The following CNTNAP2 variants were observed in gnomAD, a reference collection of about 807,000 sequenced individuals.
The protein encoded by CNTNAP2 is contactin-associated protein-like 2.
A neutral mutation model predicts 155.2 loss-of-function variants in CNTNAP2; 98 were observed. The ratio of observed to expected loss-of-function variants is 0.63; its 90% CI spans 0.54 to 0.75. The LOEUF is 0.75. Among genes scored for constraint, CNTNAP2 ranks in the 30% least tolerant of loss-of-function variants. The pLI is 0.00. For synonymous variants in CNTNAP2, 651 were observed against 631.2 expected (o/e 1.03, Z -0.47); for missense variants, 1,727 against 1,688.1 (o/e 1.02, Z -0.40).
intron 1 of CNTNAP2, among the ~76,000 whole-genome samples, chr7:146,310,413 A>G (rs1206426213): frequency 6.6e-6 from 1 of 152,170 alleles, no homozygotes; most frequent in Non-Finnish European, 1.5e-5. Context: ...TTTAAAAGCC[A>G]AGGAGTAGAT....
chr7:148,253,028 A>AGAT (rs1796392753), intron 20 of CNTNAP2, among the ~76,000 whole-genome samples: 1 of 126,254 alleles, frequency 7.9e-6, no homozygotes, highest in Non-Finnish European at 1.7e-5. Context: ...ATAGATAGAT[A>AGAT]GATAGATAGA....
chr7:146,480,923 G>A (rs919095848), intron 1 of CNTNAP2, among the ~76,000 whole-genome samples: 3 of 150,944 alleles, frequency 2.0e-5, no homozygotes, highest in Admixed American at 1.3e-4. Flanking sequence ...CTCGTGATCC[G>A]CCCGCCTCGG....
At chr7:146,245,594 G>C (rs1177562368) in intron 1 of CNTNAP2, among the ~76,000 whole-genome samples, 1 of 152,046 alleles carries the variant, frequency 6.6e-6, no homozygotes, top group Admixed American at 6.5e-5. Context: ...AGGAAGGAAA[G>C]GAGTTGTTGT....
chr7:147,194,975 T>G (rs1343570141), intron 8 of CNTNAP2, among the ~76,000 whole-genome samples: 2 of 152,218 alleles, frequency 1.3e-5, no homozygotes, highest in Non-Finnish European at 2.9e-5. Context: ...TTTTGGCATT[T>G]TTGTCATGAA....
chr7:147,327,822 T>A (rs900910710), intron 9 of CNTNAP2, among the ~76,000 whole-genome samples: 1 of 152,188 alleles, frequency 6.6e-6, no homozygotes, highest in Non-Finnish European at 1.5e-5. Context: ...TCTCATATCA[T>A]GTGGTCTTTT....
intron 1 of CNTNAP2, among the ~76,000 whole-genome samples, chr7:146,398,871 A>G (rs1795672884): frequency 6.6e-6 from 1 of 151,882 alleles, no homozygotes; most frequent in Non-Finnish European, 1.5e-5. Flanking sequence ...TAGAAAACCT[A>G]TTTCTTTTTT....
intron 21 of CNTNAP2, among the ~76,000 whole-genome samples, chr7:148,331,301 A>C (rs1156479271): frequency 6.7e-6 from 1 of 149,016 alleles, no homozygotes; most frequent in Non-Finnish European, 1.5e-5. Context: ...GATGGAGTGG[A>C]TGGATGGAGT....
At chr7:146,234,617 T>A (rs904634918) in intron 1 of CNTNAP2, among the ~76,000 whole-genome samples, 4 of 151,706 alleles carry the variant, frequency 2.6e-5, no homozygotes, top group Non-Finnish European at 1.5e-5. Flanking sequence ...AAGTCTTTAA[T>A]CCATCTTGAA....
intron 1 of CNTNAP2, among the ~76,000 whole-genome samples, chr7:146,365,536 C>A (rs1044782259): frequency 6.6e-6 from 1 of 152,128 alleles, no homozygotes; most frequent in African/African-American, 2.4e-5. Flanking sequence ...CAAAATGAAT[C>A]TTACCTTATC....
chr7:146,509,636 G>A (rs1797437469), intron 1 of CNTNAP2, among the ~76,000 whole-genome samples: 2 of 152,082 alleles, frequency 1.3e-5, no homozygotes, highest in South Asian at 4.2e-4. Context: ...ATCGGGCAGG[G>A]GTCTCTGACT....
chr7:147,389,463 C>A (rs1044716078), intron 9 of CNTNAP2, among the ~76,000 whole-genome samples: 3 of 152,164 alleles, frequency 2.0e-5, no homozygotes, highest in African/African-American at 7.2e-5. Context: ...ATTTAGGTTG[C>A]CATTTTAATG....
At chr7:147,569,628 G>A (rs1485196953) in intron 12 of CNTNAP2, among the ~76,000 whole-genome samples, 2 of 152,182 alleles carry the variant, frequency 1.3e-5, no homozygotes, top group African/African-American at 2.4e-5. Context: ...CAGCCCAGGT[G>A]TGTAATGGGT....
At chr7:146,821,343 CT>C in intron 2 of CNTNAP2, among the ~76,000 whole-genome samples, 1 of 152,028 alleles carries the variant, frequency 6.6e-6, no homozygotes, top group East Asian at 1.9e-4. Context: ...TTCAGGAGCT[CT>C]TTTAGGGCAG....
chr7:146,733,754 C>T (rs904327986), intron 1 of CNTNAP2, among the ~76,000 whole-genome samples: 2 of 151,970 alleles, frequency 1.3e-5, no homozygotes, highest in African/African-American at 4.8e-5. Context: ...CCAGACAAGA[C>T]TTGAGGAGAG....
At chr7:146,490,854 T>C (rs113316037) in intron 1 of CNTNAP2, among the ~76,000 whole-genome samples, 1 of 152,202 alleles carries the variant, frequency 6.6e-6, no homozygotes, top group Non-Finnish European at 1.5e-5. Flanking sequence ...ATATCTATCA[T>C]GGGAATGTAG....
intron 1 of CNTNAP2, among the ~76,000 whole-genome samples, chr7:146,668,992 A>C (rs549936926): frequency 1.3e-5 from 2 of 152,218 alleles, no homozygotes; most frequent in African/African-American, 4.8e-5. Flanking sequence ...TAAATATTTC[A>C]TGTGTACCTG....
intron 12 of CNTNAP2, among the ~76,000 whole-genome samples, chr7:147,606,742 T>A (rs1801071303): frequency 6.6e-6 from 1 of 152,152 alleles, no homozygotes; most frequent in Non-Finnish European, 1.5e-5. Flanking sequence ...TAGGGAAGCA[T>A]ACGGAAATGG....
chr7:148,351,972 G>T (rs1032172187), intron 21 of CNTNAP2, among the ~76,000 whole-genome samples: 1 of 151,940 alleles, frequency 6.6e-6, no homozygotes. Flanking sequence ...CCTACTTCCC[G>T]GCCATTCAGA....
intron 13 of CNTNAP2, among the ~76,000 whole-genome samples, chr7:147,898,098 A>T (rs535690759): frequency 4.7e-4 from 71 of 152,356 alleles, no homozygotes; most frequent in African/African-American, 1.5e-3. Context: ...AAAAATGGTC[A>T]TGCCAAGGGA....
Sources: gnomAD v4.1 joint callset for allele counts (sites outside exome capture counted in the v4.1 genomes callset) on GRCh38, gnomAD v4.1.1 for gene constraint, MANE v1.5 for transcripts, NCBI Gene and HGNC (gene_info 2026-07-23, HGNC 2026-07-21) for gene names.